The following CSMD3 variants were observed in gnomAD, a reference collection of about 807,000 sequenced individuals.
CSMD3 encodes the protein CUB and Sushi multiple domains 3, also known as CUB and sushi domain-containing protein 3.
CSMD3 carries 177 observed loss-of-function variants against 435.2 expected under a neutral mutation model. The observed-to-expected ratio is 0.41, with a 90% confidence interval of 0.36 to 0.46. The LOEUF (loss-of-function observed/expected upper bound fraction) is 0.46, where lower values mean the gene tolerates loss of function less well. CSMD3 is among the 20% of genes least tolerant of loss of function. The probability of loss-of-function intolerance (pLI) is 0.34; values close to 1 mark genes in which losing one functional copy is unlikely to be tolerated. For missense variants in CSMD3, 4,265 were observed against 4,504.6 expected, an observed-to-expected ratio of 0.95 and a Z score of 1.52; for synonymous variants, 1,656 against 1,520.5, an observed-to-expected ratio of 1.09 and a Z score of -2.07.
At chr8:113,220,609 T>C (rs1168045659) in intron 3 of CSMD3, among the ~76,000 whole-genome samples, 2 of 151,486 alleles carry the variant, frequency 1.3e-5, no homozygotes, top group Non-Finnish European at 3.0e-5. Context: ...AAGTCAAATA[T>C]TGGCTGGTTG....
chr8:112,688,076 G>A (rs896666652), intron 14 of CSMD3, among the ~76,000 whole-genome samples: 2 of 152,116 alleles, frequency 1.3e-5, no homozygotes, highest in East Asian at 1.9e-4. Flanking sequence ...TGCAATTGTA[G>A]CTGGAAGGCA....
chr8:112,498,555 A>G (rs1821607667), intron 30 of CSMD3, among the ~76,000 whole-genome samples: 1 of 152,118 alleles, frequency 6.6e-6, no homozygotes, highest in African/African-American at 2.4e-5. Context: ...TTTCCATGAG[A>G]AATAAAGCCA....
intron 10 of CSMD3, among the ~76,000 whole-genome samples, chr8:112,860,194 T>C (rs190894951): frequency 6.6e-6 from 1 of 151,868 alleles, no homozygotes; most frequent in African/African-American, 2.4e-5. Context: ...AGTCTTGTTT[T>C]TTACATCACT....
rs148732986 is a variant in CSMD3 at position 113,161,475 on chromosome 8, T to C, written c.709+12247A>G. Among the ~76,000 whole-genome samples the C allele has an allele frequency of 7.2e-5, 11 of 152,272 alleles. No individual in the cohort carries two copies. In the East Asian group the frequency reaches 2.1e-3, roughly 29 times the overall value. On this transcript the variant is annotated intron_variant, in intron 4 of 70. Transcript: ENST00000297405. ...CATTTTTGTGTTATGCTTAAAATTATAGTATATAAACTTAAATATATGACA... is the reference window on the plus strand; with the variant it reads ...CATTTTTGTGTTATGCTTAAAATTACAGTATATAAACTTAAATATATGACA...
intron 6 of CSMD3, among the ~76,000 whole-genome samples, chr8:112,979,296 T>C (rs929710425): frequency 1.3e-5 from 2 of 151,818 alleles, no homozygotes; most frequent in Non-Finnish European, 3.0e-5. Flanking sequence ...ATAGTGGAAC[T>C]ATAAAGAAAT....
chr8:113,292,996 A>G, intron 2 of CSMD3, among the ~76,000 whole-genome samples: 1 of 151,826 alleles, frequency 6.6e-6, no homozygotes, highest in East Asian at 2.0e-4. Flanking sequence ...TTAGAGTCCC[A>G]TTTTAAATTC....
chr8:112,553,342 T>C (rs1476504746), intron 25 of CSMD3, among the ~76,000 whole-genome samples: 1 of 152,092 alleles, frequency 6.6e-6, no homozygotes, highest in Non-Finnish European at 1.5e-5. Context: ...TGCAATATAA[T>C]TAAAATTTTA....
chr8:112,702,091 T>C (rs1216069561), intron 13 of CSMD3, among the ~76,000 whole-genome samples: 1 of 152,194 alleles, frequency 6.6e-6, no homozygotes, highest in Non-Finnish European at 1.5e-5. Flanking sequence ...ATTTATTTTT[T>C]ACTTTGTATC....
chr8:112,675,865 A>C (rs1425432356), intron 16 of CSMD3, among the ~76,000 whole-genome samples: 1 of 152,100 alleles, frequency 6.6e-6, no homozygotes, highest in East Asian at 1.9e-4. Context: ...GCCAGAGACA[A>C]AGGTTGCTGG....
At chr8:113,317,481 T>C (rs1305052256) in intron 1 of CSMD3, among the ~76,000 whole-genome samples, 1 of 152,210 alleles carries the variant, frequency 6.6e-6, no homozygotes, top group Non-Finnish European at 1.5e-5. Context: ...ATTCATGGAT[T>C]TCGAGTACTT....
intron 2 of CSMD3, among the ~76,000 whole-genome samples, chr8:113,303,336 C>G (rs1202460435): frequency 6.7e-6 from 1 of 148,558 alleles, no homozygotes; most frequent in Non-Finnish European, 1.5e-5. Flanking sequence ...GCCATACTAC[C>G]CAAGGTAATT....
chr8:112,665,986 G>C (rs2075514467), intron 17 of CSMD3, among the ~76,000 whole-genome samples: 1 of 151,998 alleles, frequency 6.6e-6, no homozygotes, highest in East Asian at 1.9e-4. Context: ...TCAAAGTATA[G>C]AACAACTAAA....
intron 27 of CSMD3, among the ~76,000 whole-genome samples, chr8:112,525,075 G>A (rs10112964): frequency 0.31 from 47,381 of 151,402 alleles, 7,577 homozygotes; most frequent in East Asian, 0.47. Context: ...TTTCCTCTTT[G>A]TAAGTGTTAG....
chr8:112,905,265 A>G lies in CSMD3; in HGVS notation c.1633+16362T>C, dbSNP rs888544243. Among the ~76,000 whole-genome samples, 14 of 151,172 alleles carry G rather than the reference A, an allele frequency of 9.3e-5. 1 individual carries two copies. Among genetic ancestry groups the G allele is most frequent in the Admixed American group, 7.3e-4 (11 of 15,068 alleles). ...ATTTTGTTTAATTGGTCACAAATCA[A>G]TTTATTAGACAAACAGATTTTTATT... On this transcript the variant is annotated intron_variant, in intron 10 of 70. Coordinates refer to ENST00000297405, the MANE Select transcript of CSMD3 (RefSeq NM_198123.2).
rs117971278 is a variant in CSMD3, at chr8:112,922,885, G to C, written c.1509-1134C>G. On this transcript the variant is annotated intron_variant, in intron 9 of 70. Transcript: ENST00000297405. ...CCAAGTTTTATTTAGACTACTCTTAGAGCTTGAGCAACCTTAAAAGTTTAC... is the reference window on the plus strand; with the variant it reads ...CCAAGTTTTATTTAGACTACTCTTACAGCTTGAGCAACCTTAAAAGTTTAC... 1.6e-3 allele frequency among the ~76,000 whole-genome samples: 247 copies of C among 152,188 alleles called. 2 individuals are homozygous for C. The highest frequency in any genetic ancestry group is 0.01 in the Middle Eastern group (3 of 294).
intron 59 of CSMD3, among the ~76,000 whole-genome samples, chr8:112,270,205 G>T (rs1563716786): frequency 6.6e-6 from 1 of 152,102 alleles, no homozygotes; most frequent in South Asian, 2.1e-4. Context: ...AAGCATAGGG[G>T]ATTGGAGACC....
In CSMD3 at chr8:113,391,560, G is replaced by C. The variant is rs2094461265; in HGVS notation, c.178+45117C>G. Among the ~76,000 whole-genome samples, 3 of 152,092 alleles carry C rather than the reference G, an allele frequency of 2.0e-5. No homozygotes were observed. The South Asian group carries it at 6.2e-4, about 32-fold the overall frequency. On this transcript the variant is annotated intron_variant, in intron 1 of 70. Coordinates refer to ENST00000297405, the MANE Select transcript of CSMD3 (RefSeq NM_198123.2). ...CCTAGTTTTGGGGATGTTTTAATTA[G>C]TAAATAGATCTCTTGATTAAATCTG...
intron 13 of CSMD3, among the ~76,000 whole-genome samples, chr8:112,695,470 A>C (rs192363428): frequency 5.3e-5 from 8 of 152,346 alleles, no homozygotes; most frequent in African/African-American, 1.9e-4. Context: ...AAGAGAACCA[A>C]AGACAAAAAT....
chr8:112,255,442 A>G lies in CSMD3; in HGVS notation c.9863-15T>C, dbSNP rs1815689004. 2 of 1,612,900 alleles carry G rather than the reference A, an allele frequency of 1.2e-6. No homozygotes were observed. The highest frequency in any genetic ancestry group is 1.3e-5 in the African/African-American group (1 of 74,868). ...ACAAAACTTTGCTGGAAATGAAAAG[A>G]AAGACGCTTATATCAAAGATTTAGT... On this transcript the variant is annotated splice_polypyrimidine_tract_variant and intron_variant, in intron 61 of 70. Coordinates refer to ENST00000297405, the MANE Select transcript of CSMD3 (RefSeq NM_198123.2).
Sources: gnomAD v4.1 joint callset for allele counts (sites outside exome capture counted in the v4.1 genomes callset) on GRCh38, gnomAD v4.1.1 for gene constraint, MANE v1.5 for transcripts, NCBI Gene and HGNC (gene_info 2026-07-23, HGNC 2026-07-21) for gene names.